Variants in NGFR observed in about 807,000 individuals in gnomAD.
NGFR encodes the protein tumor necrosis factor receptor superfamily member 16.
A neutral mutation model predicts 43.2 loss-of-function variants in NGFR; 30 were observed. The observed-to-expected ratio is 0.69, with a 90% confidence interval of 0.52 to 0.94. The LOEUF is 0.94. NGFR is among the 40% of genes least tolerant of loss of function. The pLI is 0.00. For synonymous variants in NGFR, 246 were observed against 259.6 expected (o/e 0.95, Z 0.50); for missense variants, 529 against 602.5 (o/e 0.88, Z 1.28).
intron 2 of NGFR, among the ~76,000 whole-genome samples, chr17:49,504,779 T>C (rs1329007192): frequency 7.0e-5 from 10 of 143,016 alleles, no homozygotes; most frequent in African/African-American, 2.3e-4. Flanking sequence ...CTTTTTTTTT[T>C]TTTTTTTTTT....
intron 1 of NGFR, among the ~76,000 whole-genome samples, chr17:49,498,202 C>A (rs752648718): frequency 3.9e-5 from 6 of 152,126 alleles, no homozygotes; most frequent in Non-Finnish European, 5.9e-5. Flanking sequence ...TCCCTCCCGC[C>A]CCCTACCTTC....
In NGFR at chr17:49,512,613, C is replaced by A; in HGVS notation, c.983-95C>A. On this transcript the variant is annotated intron_variant, in intron 5 of 5. Transcript: ENST00000172229. This position sits in a 1 kb window ranked among gnomAD's most constrained non-coding sequence, Gnocchi z 5.2. ...CCCCAGGCCTCCAGATGGGGAGGAG[C>A]ACTGCCTCGGCCCTTCTTGGGTCTC... 2.1e-6 allele frequency: 3 copies of A among 1,443,190 alleles called. No individual in the cohort carries two copies. The highest frequency in any genetic ancestry group is 2.3e-5 in the Admixed American group (1 of 43,116). 89.4% of individuals were successfully genotyped at this position (1,443,190 alleles called of 1,614,324 possible).
intron 1 of NGFR, 64 bp from the exon 2 acceptor site, chr17:49,501,999 A>ACCCCCCCCCCCCCC: frequency 3.0e-6 from 1 of 330,980 alleles, no homozygotes; most frequent in Non-Finnish European, 5.9e-6. Context: ...TCCCCGGAAG[A>ACCCCCCCCCCCCCC]ACCCCCCCCA....
intron 1 of NGFR, among the ~76,000 whole-genome samples, chr17:49,501,267 G>A (rs1016078827): frequency 2.2e-4 from 34 of 152,302 alleles, no homozygotes; most frequent in Admixed American, 3.3e-4. Context: ...AAATCAAACC[G>A]TGGCAGGGCA....
chr17:49,507,500 A>G (rs1214345390), intron 3 of NGFR, among the ~76,000 whole-genome samples: 1 of 152,154 alleles, frequency 6.6e-6, no homozygotes, highest in Non-Finnish European at 1.5e-5. Flanking sequence ...GGGCGTGCCC[A>G]CCTTAGCCAA....
intron 2 of NGFR, among the ~76,000 whole-genome samples, chr17:49,502,655 C>T (rs924465318): frequency 6.6e-5 from 10 of 152,122 alleles, no homozygotes; most frequent in Admixed American, 3.9e-4. Context: ...GGGGGTGTGG[C>T]TGTTCCTCCC....
chr17:49,498,167 G>A (rs1223095208), intron 1 of NGFR, among the ~76,000 whole-genome samples: 1 of 152,050 alleles, frequency 6.6e-6, no homozygotes. Context: ...GGCCTGGGAT[G>A]TTCTCTTTCC....
chr17:49,513,257 C>T lies in NGFR; in HGVS notation c.*248C>T, dbSNP rs759320150. Reference sequence around the variant, plus strand: ...CCCCTGCTGCCTCCCCAACCCTGCCCCTGCCCCGTCACCATCTCAGGCCAC... The same window carrying T: ...CCCCTGCTGCCTCCCCAACCCTGCCTCTGCCCCGTCACCATCTCAGGCCAC... On this transcript the variant is annotated 3_prime_UTR_variant, in exon 6 of 6. Transcript: ENST00000172229. 7.9e-6 allele frequency: 4 copies of T among 507,106 alleles called. No homozygotes were observed. Among genetic ancestry groups the T allele is most frequent in the Non-Finnish European group, 1.4e-5 (4 of 289,600 alleles). The allele number at this position is 507,106 out of a possible 1,614,324, so 31.4% of individuals were successfully genotyped here.
intron 3 of NGFR, among the ~76,000 whole-genome samples, chr17:49,508,665 A>T (rs1204410267): frequency 6.6e-6 from 1 of 152,160 alleles, no homozygotes; most frequent in Admixed American, 6.5e-5. Context: ...TGGTCCCTCC[A>T]TGCAGCCCGG....
At chr17:49,497,553 T>G (rs1445904482) in intron 1 of NGFR, 2 of 152,412 alleles carry the variant, frequency 1.3e-5, no homozygotes, top group Admixed American at 1.3e-4. Context: ...GACAGGAACC[T>G]GCCGTCTGCA....
At position 49,510,668 on chromosome 17, in the gene NGFR, A is replaced by T; in HGVS notation, c.821+4A>T. Reference sequence around the variant, plus strand: ...TGGCCTACATAGCCTTCAAGAGGTAAGAGAGGGCACGGTGGCGACAGAGAG... The same window carrying T: ...TGGCCTACATAGCCTTCAAGAGGTATGAGAGGGCACGGTGGCGACAGAGAG... On this transcript the variant is annotated splice_donor_region_variant and intron_variant, in intron 4 of 5. Coordinates refer to ENST00000172229, the MANE Select transcript of NGFR (RefSeq NM_002507.4). 1 of 1,610,158 alleles carries T rather than the reference A, an allele frequency of 6.2e-7. No individual in the cohort carries two copies. The highest frequency in any genetic ancestry group is 8.5e-7 in the Non-Finnish European group (1 of 1,176,710).
chr17:49,506,214 G>A (rs1468579054), intron 2 of NGFR, 85 bp from the exon 3 acceptor site: 2 of 1,493,798 alleles, frequency 1.3e-6, no homozygotes, highest in Non-Finnish European at 1.8e-6. Flanking sequence ...GTCCTGGCAG[G>A]CAATAGGGGA....
Position 49,512,560 on chromosome 17 carries a change from TG to T in NGFR, c.983-146del. 1 of 1,036,580 alleles carries T rather than the reference TG, an allele frequency of 9.6e-7. No homozygotes were observed. Among genetic ancestry groups the T allele is most frequent in the Non-Finnish European group, 1.4e-6 (1 of 715,344 alleles). The allele number at this position is 1,036,580 out of a possible 1,614,324, so 64.2% of individuals were successfully genotyped here. ...AGTCCCCCCAGGTGCCTTCACTTCC[TG>T]GTGCCCCACCCAGGACCTTGTCTTG... is the stretch of plus-strand genomic sequence containing the variant. On this transcript the variant is annotated intron_variant, in intron 5 of 5. Coordinates refer to ENST00000172229, the MANE Select transcript of NGFR (RefSeq NM_002507.4). This position sits in a 1 kb window ranked among gnomAD's most constrained non-coding sequence, Gnocchi z 5.2.
At chr17:49,502,000 A>ACCCCCCCCCACCCC in intron 1 of NGFR, 63 bp from the exon 2 acceptor site, 2 of 264,886 alleles carry the variant, frequency 7.6e-6, no homozygotes, top group South Asian at 4.6e-5. Flanking sequence ...CCCCGGAAGA[A>ACCCCCCCCCACCCC]CCCCCCCCAA....
rs1383060983 is a variant in NGFR, at chr17:49,512,008, G to T, written c.938G>T (p.Ser313Ile). Residue 313 changes from serine (S) to isoleucine (I), a missense_variant, in exon 5 of 6, where the codon AGC becomes ATC. Coordinates refer to ENST00000172229, the MANE Select transcript of NGFR (RefSeq NM_002507.4). The surrounding 1 kb of genome is among the most constrained non-coding windows in gnomAD (Gnocchi z 5.2). ...SDSGISVDSQ[S>I]LHDQQPHTQT... Reference sequence around the variant, plus strand: ...AGTGGCATCTCCGTGGACAGCCAGAGCCTGCATGACCAGCAGCCCCACACG... The same window carrying T: ...AGTGGCATCTCCGTGGACAGCCAGATCCTGCATGACCAGCAGCCCCACACG... 1 of 1,613,888 alleles carries T rather than the reference G, an allele frequency of 6.2e-7. No individual in the cohort carries two copies. Among genetic ancestry groups the T allele is most frequent in the Non-Finnish European group, 8.5e-7 (1 of 1,179,950 alleles).
intron 1 of NGFR, among the ~76,000 whole-genome samples, chr17:49,500,336 G>A (rs964900424): frequency 5.3e-5 from 8 of 152,196 alleles, no homozygotes; most frequent in Admixed American, 1.3e-4. Flanking sequence ...AGGTCATACA[G>A]TATTTTCATG....
At chr17:49,511,862 C>A in intron 4 of NGFR, 30 bp from the exon 5 acceptor site, 1 of 1,562,468 alleles carries the variant, frequency 6.4e-7, no homozygotes, top group Non-Finnish European at 8.7e-7. Context: ...CCCCTCGCCC[C>A]CTGAAACCTG....
Position 49,512,763 on chromosome 17 carries a change from G to A in NGFR, c.1038G>A (p.Glu346=). 1 of 1,613,144 alleles carries A rather than the reference G, an allele frequency of 6.2e-7. No homozygotes were observed. Among genetic ancestry groups the A allele is most frequent in the East Asian group, 2.2e-5 (1 of 44,870 alleles). ...YSSLPPAKRE[E]VEKLLNGSAG... The stretch of plus-strand genomic sequence containing the variant: ...GCCTGCCCCCAGCCAAGCGGGAGGA[G>A]GTGGAGAAGCTTCTCAACGGCTCTG... The change falls in exon 6 of 6, where the codon GAG becomes GAA. Residue 346 remains glutamate (E), a synonymous_variant. Coordinates refer to ENST00000172229, the MANE Select transcript of NGFR (RefSeq NM_002507.4). This position sits in a 1 kb window ranked among gnomAD's most constrained non-coding sequence, Gnocchi z 5.2.
chr17:49,512,033 G>A lies in NGFR; in HGVS notation c.963G>A (p.Thr321=), dbSNP rs191763161. The change falls in exon 5 of 6, where the codon ACG becomes ACA. Residue 321 remains threonine (T), a synonymous_variant. Coordinates refer to ENST00000172229, the MANE Select transcript of NGFR (RefSeq NM_002507.4). The surrounding 1 kb of genome is among the most constrained non-coding windows in gnomAD (Gnocchi z 5.2). ...GCCTGCATGACCAGCAGCCCCACAC[G>A]CAGACAGCCTCGGGCCAGGGTGAGC... The part of the protein sequence containing the change: ...SQSLHDQQPH[T]QTASGQALKG... 31 of 1,613,506 alleles carry A rather than the reference G, an allele frequency of 1.9e-5. No individual in the cohort carries two copies. Among genetic ancestry groups the A allele is most frequent in the East Asian group, 2.2e-5 (1 of 44,880 alleles).
Sources: gnomAD v4.1 joint callset for allele counts (sites outside exome capture counted in the v4.1 genomes callset) on GRCh38, gnomAD v4.1.1 for gene constraint, Gnocchi (gnomAD v3.1) non-coding constraint, MANE v1.5 for transcripts, NCBI Gene and HGNC (gene_info 2026-07-23, HGNC 2026-07-21) for gene names.